CTNND2: variants seen among roughly 807,000 people sequenced by gnomAD.
CTNND2 encodes catenin delta 2.
In CTNND2, 22 loss-of-function variants were observed where a neutral mutation model predicts 144.4. That is an observed-to-expected ratio of 0.15 (90% CI 0.11 to 0.22). CTNND2 has a LOEUF of 0.22. Among genes scored for constraint, CTNND2 ranks in the 10% least tolerant of loss-of-function variants. CTNND2 has a pLI of 1.00. For missense variants in CTNND2, 1,353 were observed against 1,618.8 expected, an observed-to-expected ratio of 0.84 and a Z score of 2.82; for synonymous variants, 751 against 695.6, an observed-to-expected ratio of 1.08 and a Z score of -1.25.
chr5:11,465,938 C>A (rs1261936910), intron 3 of CTNND2, among the ~76,000 whole-genome samples: 2 of 152,136 alleles, frequency 1.3e-5, no homozygotes, highest in African/African-American at 4.8e-5. Context: ...TAATGGCAGA[C>A]TTTATGGAAA....
At chr5:11,862,638 T>C (rs908627519) in intron 1 of CTNND2, among the ~76,000 whole-genome samples, 1 of 152,220 alleles carries the variant, frequency 6.6e-6, no homozygotes, top group African/African-American at 2.4e-5. Context: ...ATAACAATCA[T>C]ATTACTACCA....
chr5:11,312,168 CG>C (rs1751033352), intron 9 of CTNND2, among the ~76,000 whole-genome samples: 4 of 147,348 alleles, frequency 2.7e-5, no homozygotes, highest in Non-Finnish European at 4.5e-5. Flanking sequence ...CCCCATACAC[CG>C]TCATCCCCCA....
intron 21 of CTNND2, among the ~76,000 whole-genome samples, chr5:10,981,056 TA>T (rs1737184589): frequency 6.6e-6 from 1 of 151,862 alleles, no homozygotes; most frequent in Non-Finnish European, 1.5e-5. Flanking sequence ...AAAAATAAAA[TA>T]ATAATAATAA....
chr5:11,556,165 C>T (rs1776216369), intron 3 of CTNND2, among the ~76,000 whole-genome samples: 1 of 151,770 alleles, frequency 6.6e-6, no homozygotes, highest in African/African-American at 2.4e-5. Context: ...AAAAATGATC[C>T]AAAAGCAATC....
Position 11,816,475 on chromosome 5 carries a change from C to T in CTNND2, c.38-84203G>A, listed in dbSNP as rs187618399. Reference sequence around the variant, plus strand: ...GGGTCTACGCAGAACCTCAGAAAAACGCAATAGAGGGGCCGCAGTCAGCAT... The same window carrying T: ...GGGTCTACGCAGAACCTCAGAAAAATGCAATAGAGGGGCCGCAGTCAGCAT... On this transcript the variant is annotated intron_variant, in intron 1 of 21. Coordinates refer to ENST00000304623, the MANE Select transcript of CTNND2 (RefSeq NM_001332.4). Among the ~76,000 whole-genome samples the T allele has an allele frequency of 1.4e-4, 21 of 151,062 alleles. No individual in the cohort carries two copies. In the South Asian group the frequency reaches 1.7e-3, roughly 12 times the overall value.
rs35126010 is a variant in CTNND2 at position 11,641,444 on chromosome 5, G to GATAT, written c.175-76392_175-76389dup. On this transcript the variant is annotated intron_variant, in intron 2 of 21. Transcript: ENST00000304623. Reference sequence around the variant, plus strand: ...TTCCTTCTCAGAACAGGAGTAAAAGGATATATATATATATATATATCCTTT... The same window carrying GATAT: ...TTCCTTCTCAGAACAGGAGTAAAAGGATATATATATATATATATATATATCCTTT... Among the ~76,000 whole-genome samples the GATAT allele has an allele frequency of 6.7e-3, 901 of 134,450 alleles. 3 individuals carry two copies. Among genetic ancestry groups the GATAT allele is most frequent in the African/African-American group, 0.02 (739 of 37,844 alleles). The allele number at this position is 134,450 out of a possible 152,430, so 88.2% of individuals were successfully genotyped here. A position where few individuals can be genotyped will look rare whatever the true frequency, so the allele number is the denominator to read the frequency against.
intron 2 of CTNND2, among the ~76,000 whole-genome samples, chr5:11,619,222 A>G (rs541744319): frequency 2.6e-5 from 4 of 152,270 alleles, no homozygotes; most frequent in African/African-American, 9.6e-5. Flanking sequence ...AGCCTGGCCA[A>G]CATGATGAAA....
intron 10 of CTNND2, among the ~76,000 whole-genome samples, chr5:11,217,341 C>T (rs1354924861): frequency 2.0e-5 from 3 of 152,182 alleles, no homozygotes; most frequent in Non-Finnish European, 4.4e-5. Context: ...GTCCTGTTAA[C>T]ATTAACTTTC....
At chr5:11,008,463 G>C (rs1740719240) in intron 18 of CTNND2, among the ~76,000 whole-genome samples, 1 of 152,202 alleles carries the variant, frequency 6.6e-6, no homozygotes, top group South Asian at 2.1e-4. Flanking sequence ...CACCAGCCAA[G>C]GAATGCAGGC....
intron 3 of CTNND2, among the ~76,000 whole-genome samples, chr5:11,476,638 T>G (rs1161943834): frequency 6.6e-6 from 1 of 152,186 alleles, no homozygotes; most frequent in Admixed American, 6.5e-5. Context: ...CTATTCAGTA[T>G]GGAAATATGC....
chr5:11,100,421 A>C (rs545426675), intron 14 of CTNND2, among the ~76,000 whole-genome samples: 7 of 152,148 alleles, frequency 4.6e-5, no homozygotes, highest in Admixed American at 1.3e-4. Flanking sequence ...AAACCAATAC[A>C]TCTCCTTTAA....
chr5:11,063,329 C>T (rs1747208850), intron 16 of CTNND2, among the ~76,000 whole-genome samples: 1 of 151,724 alleles, frequency 6.6e-6, no homozygotes, highest in African/African-American at 2.4e-5. Context: ...AATGCATTTC[C>T]AATACAATTT....
intron 16 of CTNND2, among the ~76,000 whole-genome samples, chr5:11,031,023 CT>C (rs1561198712): frequency 1.3e-5 from 2 of 152,034 alleles, no homozygotes; most frequent in African/African-American, 4.8e-5. Flanking sequence ...GAGAGTTTCC[CT>C]GGGCATGCAT....
intron 1 of CTNND2, among the ~76,000 whole-genome samples, chr5:11,860,789 C>G (rs1035699303): frequency 6.6e-6 from 1 of 152,182 alleles, no homozygotes; most frequent in Non-Finnish European, 1.5e-5. Context: ...GTTGGCACAT[C>G]TCCGTTACTC....
At chr5:11,893,487 G>T (rs753113830) in intron 1 of CTNND2, among the ~76,000 whole-genome samples, 4 of 152,054 alleles carry the variant, frequency 2.6e-5, no homozygotes, top group Non-Finnish European at 5.9e-5. Flanking sequence ...ATAAACAGTG[G>T]ACTCGCCCAT....
chr5:11,400,553 A>C (rs901849141), intron 5 of CTNND2, among the ~76,000 whole-genome samples: 1 of 152,198 alleles, frequency 6.6e-6, no homozygotes, highest in African/African-American at 2.4e-5. Flanking sequence ...CCATTTCCTC[A>C]TACATTGATG....
chr5:11,284,344 G>C (rs1471943570), intron 9 of CTNND2, among the ~76,000 whole-genome samples: 1 of 152,082 alleles, frequency 6.6e-6, no homozygotes, highest in East Asian at 1.9e-4. Flanking sequence ...ATGGTGGTTT[G>C]CTTCACCTAT....
At chr5:11,364,982 A>G in intron 7 of CTNND2, 92 bp from the exon 8 acceptor site, 1 of 1,050,644 alleles carries the variant, frequency 9.5e-7, no homozygotes, top group Non-Finnish European at 1.4e-6. Flanking sequence ...TTTTGGACAA[A>G]ATTGTTGAAA....
At chr5:11,479,245 T>C (rs1768022786) in intron 3 of CTNND2, among the ~76,000 whole-genome samples, 2 of 152,188 alleles carry the variant, frequency 1.3e-5, no homozygotes, top group African/African-American at 4.8e-5. Flanking sequence ...TGAGAACATG[T>C]GGTAATTGGT....
Sources: gnomAD v4.1 joint callset for allele counts (sites outside exome capture counted in the v4.1 genomes callset) on GRCh38, gnomAD v4.1.1 for gene constraint, MANE v1.5 for transcripts, NCBI Gene and HGNC (gene_info 2026-07-23, HGNC 2026-07-21) for gene names.